Variants in RANBP17 observed in about 807,000 individuals in gnomAD.
RANBP17 encodes ran-binding protein 17.
A neutral mutation model predicts 141.2 loss-of-function variants in RANBP17; 158 were observed. The observed-to-expected ratio is 1.12, with a 90% CI of 0.98 to 1.28. The LOEUF is 1.28. Ranked by LOEUF, RANBP17 falls within the 50% of genes most tolerant of loss-of-function variation. RANBP17 has a pLI of 0.00. For missense variants in RANBP17, 1,438 were observed against 1,290.7 expected (o/e 1.11, Z -1.75); for synonymous variants, 430 against 450.0 (o/e 0.96, Z 0.56).
At chr5:171,005,266 A>G (rs899916300) in intron 14 of RANBP17, among the ~76,000 whole-genome samples, 1 of 152,222 alleles carries the variant, frequency 6.6e-6, no homozygotes. Context: ...ATGGAACCAA[A>G]AAAGAGCCTG....
intron 5 of RANBP17, chr5:170,897,272 T>G (rs967795622): frequency 1.6e-6 from 1 of 636,874 alleles, no homozygotes; most frequent in East Asian, 4.0e-5. Flanking sequence ...GGCAGAGCAC[T>G]GTGATTGCTT....
At chr5:171,288,052 T>C (rs1419056410) in intron 25 of RANBP17, among the ~76,000 whole-genome samples, 2 of 152,268 alleles carry the variant, frequency 1.3e-5, no homozygotes, top group Non-Finnish European at 2.9e-5. Flanking sequence ...ATTTTGTTAA[T>C]TTAAATTGCT....
At chr5:171,073,836 CT>C (rs76724013) in intron 14 of RANBP17, among the ~76,000 whole-genome samples, 200 of 141,074 alleles carry the variant, frequency 1.4e-3, no homozygotes, top group Non-Finnish European at 1.4e-3. Flanking sequence ...TAAGGAGGTA[CT>C]TTTTTTTTTT....
At chr5:171,282,165 G>A (rs1767897708) in intron 25 of RANBP17, among the ~76,000 whole-genome samples, 1 of 152,182 alleles carries the variant, frequency 6.6e-6, no homozygotes, top group Non-Finnish European at 1.5e-5. Context: ...GAATTACTTA[G>A]CATGGCACGA....
intron 3 of RANBP17, among the ~76,000 whole-genome samples, chr5:170,883,790 T>C (rs1175451553): frequency 6.6e-6 from 1 of 152,206 alleles, no homozygotes; most frequent in Non-Finnish European, 1.5e-5. Context: ...TGATACCTCA[T>C]TTCTTTTTAG....
intron 22 of RANBP17, among the ~76,000 whole-genome samples, chr5:171,229,639 C>T (rs1764086592): frequency 6.6e-6 from 1 of 151,412 alleles, no homozygotes; most frequent in South Asian, 2.1e-4. Flanking sequence ...AAGTGATCTG[C>T]CCACCTCGGC....
chr5:171,221,713 T>C (rs747825971), intron 21 of RANBP17, 45 bp from the exon 22 acceptor site: 4 of 1,095,390 alleles, frequency 3.7e-6, no homozygotes, highest in Non-Finnish European at 5.6e-6. Flanking sequence ...CTGTGTTTGG[T>C]TTCTTTATCT....
intron 14 of RANBP17, among the ~76,000 whole-genome samples, chr5:171,013,484 C>T (rs1201973497): frequency 1.3e-5 from 2 of 152,074 alleles, no homozygotes; most frequent in African/African-American, 4.8e-5. Flanking sequence ...TTTTAACATA[C>T]TAGTATCAGG....
intron 14 of RANBP17, among the ~76,000 whole-genome samples, chr5:171,055,938 T>C: frequency 6.8e-6 from 1 of 146,246 alleles, no homozygotes; most frequent in Admixed American, 6.7e-5. Flanking sequence ...CAAGTAAAAC[T>C]ATGTTGCCGT....
intron 14 of RANBP17, among the ~76,000 whole-genome samples, chr5:171,115,892 T>C (rs927567707): frequency 3.9e-5 from 6 of 152,218 alleles, no homozygotes; most frequent in African/African-American, 1.4e-4. Flanking sequence ...ATAACATCTT[T>C]TGAGATGCAC....
chr5:171,098,503 A>T (rs1257749228), intron 14 of RANBP17, among the ~76,000 whole-genome samples: 1 of 151,906 alleles, frequency 6.6e-6, no homozygotes, highest in Non-Finnish European at 1.5e-5. Context: ...TTTCTTGTAA[A>T]TTTGTTTAAG....
chr5:171,065,544 T>C (rs540473393), intron 14 of RANBP17, among the ~76,000 whole-genome samples: 1 of 152,256 alleles, frequency 6.6e-6, no homozygotes, highest in East Asian at 1.9e-4. Context: ...CCTAACAGGC[T>C]ATGGACTGGT....
chr5:171,053,601 A>G (rs1783109518), intron 14 of RANBP17, among the ~76,000 whole-genome samples: 1 of 152,042 alleles, frequency 6.6e-6, no homozygotes, highest in Non-Finnish European at 1.5e-5. Context: ...TTCATTTATT[A>G]GCTGTAGTAG....
intron 27 of RANBP17, 103 bp from the exon 28 acceptor site, chr5:171,298,659 G>A (rs1768973306): frequency 1.4e-6 from 1 of 738,290 alleles, no homozygotes; most frequent in Non-Finnish European, 2.3e-6. Flanking sequence ...CCTCCAGGAG[G>A]GGGCTCCCCA....
intron 14 of RANBP17, among the ~76,000 whole-genome samples, chr5:171,104,763 C>G (rs530862312): frequency 3.9e-5 from 6 of 152,200 alleles, no homozygotes; most frequent in African/African-American, 1.4e-4. Flanking sequence ...CCTTATAGGT[C>G]TAATGTGAGG....
At chr5:170,951,897 C>A (rs1267732856) in intron 12 of RANBP17, among the ~76,000 whole-genome samples, 1 of 151,662 alleles carries the variant, frequency 6.6e-6, no homozygotes, top group East Asian at 1.9e-4. Flanking sequence ...CCAATACTTT[C>A]AAAAAACAGG....
At chr5:171,227,365 A>T (rs887999072) in intron 22 of RANBP17, among the ~76,000 whole-genome samples, 1 of 152,262 alleles carries the variant, frequency 6.6e-6, no homozygotes, top group Non-Finnish European at 1.5e-5. Flanking sequence ...CAAACCAGTC[A>T]TAATATTCCC....
chr5:171,093,314 C>T (rs1406582924), intron 14 of RANBP17, among the ~76,000 whole-genome samples: 2 of 151,966 alleles, frequency 1.3e-5, no homozygotes, highest in East Asian at 1.9e-4. Context: ...AAAAGCTCTA[C>T]TTTATTTATT....
intron 3 of RANBP17, among the ~76,000 whole-genome samples, chr5:170,884,257 G>A (rs1042466093): frequency 3.9e-5 from 6 of 152,016 alleles, no homozygotes; most frequent in Admixed American, 1.3e-4. Context: ...TGAACAATGC[G>A]GATATTAGGG....
Sources: gnomAD v4.1 joint callset for allele counts (sites outside exome capture counted in the v4.1 genomes callset) on GRCh38, gnomAD v4.1.1 for gene constraint, MANE v1.5 for transcripts, NCBI Gene and HGNC (gene_info 2026-07-23, HGNC 2026-07-21) for gene names.